PDE1C: variants seen among roughly 807,000 people sequenced by gnomAD.
PDE1C encodes dual specificity calcium/calmodulin-dependent 3',5'-cyclic nucleotide phosphodiesterase 1C.
Under a neutral mutation model 93.1 loss-of-function variants are expected in PDE1C, and 62 were observed. That is an observed-to-expected ratio of 0.67 (90% CI 0.54 to 0.82). The LOEUF is 0.82. Ranked by LOEUF, PDE1C falls within the 40% of genes least tolerant of loss-of-function variation. PDE1C has a pLI of 0.00. For missense variants in PDE1C, 742 were observed against 884.6 expected, an observed-to-expected ratio of 0.84 and a Z score of 2.04; for synonymous variants, 325 against 310.1, an observed-to-expected ratio of 1.05 and a Z score of -0.50.
intron 2 of PDE1C, among the ~76,000 whole-genome samples, chr7:32,046,071 C>T (rs898804406): frequency 5.3e-5 from 8 of 152,130 alleles, no homozygotes; most frequent in African/African-American, 1.9e-4. Flanking sequence ...AACATAACTC[C>T]TTGCTTTGCC....
At chr7:32,272,003 G>T (rs1811001922) in intron 1 of PDE1C, among the ~76,000 whole-genome samples, 2 of 152,178 alleles carry the variant, frequency 1.3e-5, no homozygotes, top group South Asian at 4.1e-4. Context: ...CCTCCACTTT[G>T]TCTCACTTGT....
At chr7:31,879,921 T>C (rs1042835669) in intron 3 of PDE1C, among the ~76,000 whole-genome samples, 4 of 152,188 alleles carry the variant, frequency 2.6e-5, no homozygotes, top group African/African-American at 9.7e-5. Flanking sequence ...TTTTTTTCCT[T>C]TAGACTTACC....
At chr7:32,247,248 A>G (rs890554223) in intron 1 of PDE1C, among the ~76,000 whole-genome samples, 1 of 122,750 alleles carries the variant, frequency 8.1e-6, no homozygotes, top group African/African-American at 3.1e-5. Context: ...GAATTGAAGC[A>G]GTGGCCACAG....
intron 1 of PDE1C, among the ~76,000 whole-genome samples, chr7:32,384,041 C>G (rs1326817130): frequency 1.3e-5 from 2 of 152,202 alleles, no homozygotes; most frequent in Non-Finnish European, 2.9e-5. Context: ...ATCTGAGAAG[C>G]TTGTACACAC....
intron 1 of PDE1C, among the ~76,000 whole-genome samples, chr7:32,370,079 C>T (rs1007339138): frequency 1.3e-5 from 2 of 152,156 alleles, no homozygotes; most frequent in African/African-American, 2.4e-5. Context: ...TTGGAACCAA[C>T]CCAAATGTCC....
At chr7:31,681,916 C>G in the PDE1C span, among the ~76,000 whole-genome samples, 2 of 152,132 alleles carry the variant, frequency 1.3e-5, no homozygotes, top group Non-Finnish European at 2.9e-5. Context: ...GCAAAATGTC[C>G]TCTTGTGTCT....
At chr7:31,690,458 C>T in the PDE1C span, among the ~76,000 whole-genome samples, 1 of 152,334 alleles carries the variant, frequency 6.6e-6, no homozygotes, top group East Asian at 1.9e-4. Flanking sequence ...AGATGTTAGC[C>T]TTTGCAAATT....
chr7:31,661,558 CA>C, the PDE1C span, among the ~76,000 whole-genome samples: 1 of 151,976 alleles, frequency 6.6e-6, no homozygotes, highest in African/African-American at 2.4e-5. Flanking sequence ...ACTAATAATA[CA>C]AACATTAGCC....
chr7:32,145,351 G>A (rs1800776939), intron 3 of PDE1C, among the ~76,000 whole-genome samples: 1 of 152,154 alleles, frequency 6.6e-6, no homozygotes, highest in Non-Finnish European at 1.5e-5. Context: ...TGATGCTTCA[G>A]GTTTAGCTGA....
At chr7:32,233,146 A>C (rs140350861) in intron 1 of PDE1C, among the ~76,000 whole-genome samples, 12 of 152,338 alleles carry the variant, frequency 7.9e-5, no homozygotes, top group Non-Finnish European at 1.6e-4. Flanking sequence ...CAAAAAAAGA[A>C]GGGCAATCAC....
At chr7:31,738,397 A>G in the PDE1C span, among the ~76,000 whole-genome samples, 1 of 152,360 alleles carries the variant, frequency 6.6e-6, no homozygotes. Context: ...GCGCTTGCGC[A>G]GGGGAACTAC....
chr7:32,127,742 T>C (rs1180324737), intron 3 of PDE1C, among the ~76,000 whole-genome samples: 2 of 151,988 alleles, frequency 1.3e-5, no homozygotes, highest in African/African-American at 4.8e-5. Context: ...AGGACTAGTA[T>C]AAGAAGAACA....
At chr7:31,921,924 C>T (rs1802676128) in intron 2 of PDE1C, among the ~76,000 whole-genome samples, 1 of 152,074 alleles carries the variant, frequency 6.6e-6, no homozygotes, top group Non-Finnish European at 1.5e-5. Flanking sequence ...CTCATTTAAG[C>T]TTTACAAGTC....
chr7:31,953,847 G>GA (rs201630582), intron 2 of PDE1C, among the ~76,000 whole-genome samples: 16 of 150,434 alleles, frequency 1.1e-4, no homozygotes, highest in South Asian at 6.3e-4. Flanking sequence ...AAAATATTAA[G>GA]AAAAAAAAAC....
intron 1 of PDE1C, among the ~76,000 whole-genome samples, chr7:32,412,252 C>T (rs552447230): frequency 9.2e-5 from 14 of 151,904 alleles, no homozygotes; most frequent in Middle Eastern, 3.4e-3. Flanking sequence ...GTCAGGAGTT[C>T]GAGACCAGCC....
chr7:32,073,638 A>G (rs937531895), upstream of PDE1C, among the ~76,000 whole-genome samples: 1 of 152,204 alleles, frequency 6.6e-6, no homozygotes, highest in Non-Finnish European at 1.5e-5. Context: ...CCTTGCTCCT[A>G]AACCACATTA....
intron 3 of PDE1C, among the ~76,000 whole-genome samples, chr7:32,134,514 G>T (rs1432935943): frequency 6.6e-6 from 1 of 151,900 alleles, no homozygotes; most frequent in African/African-American, 2.4e-5. Context: ...AGCCAATGAG[G>T]CATAAAAAAA....
rs1340938267 is a variant in PDE1C, at chr7:32,374,203, AGAGAGG to A, written c.310+53613_310+53618del. ...GAAAGAAAGAAAGAAAGAGAGGGAA[AGAGAGG>A]GAAAGAAAGGGAAAGAAAGAAAAAG... On this transcript the variant is annotated intron_variant, in intron 1 of 1. Transcript: ENST00000672256. 6.9e-4 allele frequency among the ~76,000 whole-genome samples: 103 copies of A among 148,422 alleles called. 1 individual carries two copies. Among genetic ancestry groups the A allele is most frequent in the African/African-American group, 2.4e-3 (97 of 39,906 alleles).
intron 11 of PDE1C, among the ~76,000 whole-genome samples, chr7:31,829,569 T>C (rs1307995052): frequency 6.6e-6 from 1 of 152,144 alleles, no homozygotes; most frequent in Non-Finnish European, 1.5e-5. Context: ...GGCTCACATG[T>C]AGCATTAACT....
Sources: gnomAD v4.1 joint callset for allele counts (sites outside exome capture counted in the v4.1 genomes callset) on GRCh38, gnomAD v4.1.1 for gene constraint, MANE v1.5 for transcripts, NCBI Gene and HGNC (gene_info 2026-07-23, HGNC 2026-07-21) for gene names.